PCDHA1: variants seen among roughly 807,000 people sequenced by gnomAD.
The protein encoded by PCDHA1 is protocadherin alpha 1.
In PCDHA1, 42 loss-of-function variants were observed where a neutral mutation model predicts 61.3. The ratio of observed to expected loss-of-function variants is 0.69; its 90% CI spans 0.54 to 0.89. PCDHA1 has a LOEUF of 0.89. Among genes scored for constraint, PCDHA1 ranks in the 40% least tolerant of loss-of-function variants. The probability of loss-of-function intolerance (pLI) is 0.00; values close to 1 mark genes in which losing one functional copy is unlikely to be tolerated. For synonymous variants in PCDHA1, 610 were observed against 553.8 expected (o/e 1.10, Z -1.43); for missense variants, 1,256 against 1,235.3 (o/e 1.02, Z -0.25).
chr5:140,905,368 T>G (rs536118800), intron 1 of PCDHA1, among the ~76,000 whole-genome samples: 47 of 152,336 alleles, frequency 3.1e-4, no homozygotes, highest in Non-Finnish European at 4.6e-4. Flanking sequence ...TATTTCTGGT[T>G]CTCTGTTCTG....
chr5:140,928,657 G>A (rs781811102), intron 1 of PCDHA1: 11 of 1,614,102 alleles, frequency 6.8e-6, no homozygotes, highest in Non-Finnish European at 9.3e-6. Context: ...AGAGGATGCT[G>A]ACAGTGGTTC....
intron 1 of PCDHA1, chr5:140,796,739 C>A (rs1554120077): frequency 6.2e-7 from 1 of 1,614,040 alleles, no homozygotes; most frequent in Non-Finnish European, 8.5e-7. Context: ...CACGTGGTGG[C>A]GAAGGTGCGC....
At chr5:140,868,066 G>A (rs2050262102) in intron 1 of PCDHA1, 1 of 151,806 alleles carries the variant, frequency 6.6e-6, no homozygotes. Context: ...AGATGTTCAG[G>A]GTGATTTTAT....
intron 1 of PCDHA1, among the ~76,000 whole-genome samples, chr5:140,952,114 A>G (rs246038): frequency 0.56 from 85,531 of 151,814 alleles, 24,721 homozygotes; most frequent in African/African-American, 0.69. Flanking sequence ...CGTGTGAGGG[A>G]TGGGCTCCCA....
chr5:140,941,202 C>CCTTTTCTTCCTTTCTTT (rs2092814043), intron 1 of PCDHA1, among the ~76,000 whole-genome samples: 1 of 122,742 alleles, frequency 8.1e-6, no homozygotes, highest in Non-Finnish European at 1.8e-5. Flanking sequence ...TTTCTTTCTT[C>CCTTTTCTTCCTTTCTTT]CTTTCTTTCT....
At chr5:140,821,857 G>C in intron 1 of PCDHA1, 1 of 1,614,186 alleles carries the variant, frequency 6.2e-7, no homozygotes. Flanking sequence ...GGCAGGGAGC[G>C]GCCAGCTCCA....
intron 1 of PCDHA1, chr5:140,843,444 C>T: frequency 1.3e-6 from 2 of 1,596,146 alleles, no homozygotes; most frequent in Non-Finnish European, 1.7e-6. Flanking sequence ...TGCGCGGTAT[C>T]CAGCCTGCTG....
intron 1 of PCDHA1, chr5:140,862,484 G>A (rs2047390468): frequency 2.6e-6 from 1 of 382,510 alleles, no homozygotes; most frequent in Non-Finnish European, 5.2e-6. Context: ...TCCATTGTTG[G>A]TAATCGCTCG....
At chr5:140,841,819 C>T (rs2150323482) in intron 1 of PCDHA1, 6 of 1,613,756 alleles carry the variant, frequency 3.7e-6, no homozygotes, top group South Asian at 2.2e-5. Context: ...GAGCTAACTC[C>T]GTGTTAACCT....
chr5:140,822,872 C>A (rs1370566710), intron 1 of PCDHA1: 2 of 1,614,236 alleles, frequency 1.2e-6, no homozygotes, highest in Non-Finnish European at 1.7e-6. Flanking sequence ...CCACTCAGCA[C>A]GGTCATTGCT....
intron 1 of PCDHA1, chr5:140,851,046 C>A: frequency 7.2e-7 from 1 of 1,389,024 alleles, no homozygotes; most frequent in Non-Finnish European, 9.4e-7. Context: ...TTGGAGCCGA[C>A]TTTGTCTTGA....
At chr5:140,979,817 A>G (rs1228260788) in intron 2 of PCDHA1, among the ~76,000 whole-genome samples, 1 of 152,262 alleles carries the variant, frequency 6.6e-6, no homozygotes, top group Non-Finnish European at 1.5e-5. Flanking sequence ...AAAAGGATTT[A>G]ATTTTAAAGA....
Position 140,786,537 on chromosome 5 carries a change from A to T in PCDHA1, c.247A>T (p.Ile83Phe), listed in dbSNP as rs782062100. ...TCTGGAGGTAAATCTGCAGAATGGC[A>T]TTTTGTTTGTGAATTCTCGGATCGA... ...DLLEVNLQNGILFVNSRIDRE... is the reference protein window; with the variant it reads ...DLLEVNLQNGFLFVNSRIDRE... The change falls in exon 1 of 4, where the codon ATT (isoleucine) becomes TTT (phenylalanine). Residue 83 changes from isoleucine to phenylalanine, a missense_variant. Coordinates refer to ENST00000504120, the MANE Select transcript of PCDHA1 (RefSeq NM_018900.4). 2 of 1,614,174 alleles carry T rather than the reference A, an allele frequency of 1.2e-6. No individual in the cohort carries two copies. The highest frequency in any genetic ancestry group is 1.7e-6 in the Non-Finnish European group (2 of 1,180,040).
chr5:140,867,552 TATG>T (rs1353762493), intron 1 of PCDHA1: 1 of 152,120 alleles, frequency 6.6e-6, no homozygotes, highest in Non-Finnish European at 1.5e-5. Flanking sequence ...AGCATACACA[TATG>T]ATAACTTTTT....
rs143002904 is a variant in PCDHA1, at chr5:140,856,290, G to T, written c.2394+67606G>T. 5.0e-6 allele frequency: 8 copies of T among 1,598,368 alleles called. 2 individuals are homozygous for T. The African/African-American group carries it at 8.1e-5, about 16-fold the overall frequency. ...CTTCTGGAGGTAAATCTGCAGAATGGCATTTTGTTTGTGAATTCTCGGATT... is the reference window on the plus strand; with the variant it reads ...CTTCTGGAGGTAAATCTGCAGAATGTCATTTTGTTTGTGAATTCTCGGATT... On this transcript the variant is annotated intron_variant, in intron 1 of 3. Coordinates refer to ENST00000504120, the MANE Select transcript of PCDHA1 (RefSeq NM_018900.4).
At chr5:140,869,275 G>T in intron 1 of PCDHA1, 1 of 1,613,584 alleles carries the variant, frequency 6.2e-7, no homozygotes, top group Non-Finnish European at 8.5e-7. Context: ...GGAGCTGGCG[G>T]AGCTGGTGCA....
intron 3 of PCDHA1, among the ~76,000 whole-genome samples, chr5:140,985,406 GA>G (rs1554247033): frequency 6.6e-6 from 1 of 152,136 alleles, no homozygotes; most frequent in Non-Finnish European, 1.5e-5. Flanking sequence ...TGTTCCCCTG[GA>G]AATGGAGTGA....
rs573341314 is a variant in PCDHA1 at position 140,807,798 on chromosome 5, A to C, written c.2394+19114A>C. 247 of 1,614,158 alleles carry C rather than the reference A, an allele frequency of 1.5e-4. 1 individual carries two copies. In the South Asian group the frequency reaches 2.7e-3, roughly 17 times the overall value. ...TTACGGAAATCTTTAGACAGAGAAG[A>C]AGCTCCGGAGATTTTTTTAGTGCTC... On this transcript the variant is annotated intron_variant, in intron 1 of 3. Coordinates refer to ENST00000504120, the MANE Select transcript of PCDHA1 (RefSeq NM_018900.4).
rs943373745 is a variant in PCDHA1 at position 140,935,260 on chromosome 5, G to A, written c.2395-43689G>A. Among the ~76,000 whole-genome samples the A allele has an allele frequency of 3.3e-5, 5 of 152,168 alleles. No individual in the cohort carries two copies. In the South Asian group the frequency reaches 8.3e-4, roughly 25 times the overall value. On this transcript the variant is annotated intron_variant, in intron 1 of 3. Transcript: ENST00000504120. ...TTTTAAAAGATAAAATACATCACAT[G>A]TTTATACTAATCTAATAAAGTTCAG... is the stretch of plus-strand genomic sequence containing the variant.
Sources: gnomAD v4.1 joint callset for allele counts (sites outside exome capture counted in the v4.1 genomes callset) on GRCh38, gnomAD v4.1.1 for gene constraint, MANE v1.5 for transcripts, NCBI Gene and HGNC (gene_info 2026-07-23, HGNC 2026-07-21) for gene names.